The following NOL4L variants were observed in gnomAD, a reference collection of about 807,000 sequenced individuals.
NOL4L encodes nucleolar protein 4-like.
A neutral mutation model predicts 64.5 loss-of-function variants in NOL4L; 7 were observed. The observed-to-expected ratio is 0.11, with a 90% CI of 0.06 to 0.20. NOL4L has a LOEUF of 0.20. NOL4L is among the 10% of genes least tolerant of loss of function. The probability of loss-of-function intolerance (pLI) is 1.00; values close to 1 mark genes in which losing one functional copy is unlikely to be tolerated. For synonymous variants in NOL4L, 413 were observed against 401.0 expected, an observed-to-expected ratio of 1.03 and a Z score of -0.36; for missense variants, 680 against 967.1, an observed-to-expected ratio of 0.70 and a Z score of 3.94.
intron 5 of NOL4L, among the ~76,000 whole-genome samples, chr20:32,466,840 A>G (rs1453780169): frequency 2.6e-5 from 4 of 152,164 alleles, no homozygotes; most frequent in Non-Finnish European, 4.4e-5. Flanking sequence ...TGCAGGGGCC[A>G]CACCTCCTGC....
chr20:32,470,057 C>T lies in NOL4L; in HGVS notation c.841+4544G>A, dbSNP rs530846738. ...GACCTGCCCCAGCCAGGGCTCCACA[C>T]GACTCTTGCTCAGCAATCCCCCGAC... On this transcript the variant is annotated intron_variant, in intron 5 of 10. Transcript: ENST00000621426. 9.8e-5 allele frequency among the ~76,000 whole-genome samples: 15 copies of T among 152,356 alleles called. No individual in the cohort carries two copies. The East Asian group carries it at 2.1e-3, about 22-fold the overall frequency.
chr20:32,536,093 G>A, intron 1 of NOL4L: 1 of 985,596 alleles, frequency 1.0e-6, no homozygotes, highest in Non-Finnish European at 1.2e-6. Context: ...AATGGCTTTC[G>A]CCACCTCATA....
chr20:32,510,877 G>A (rs2046922366), intron 4 of NOL4L, among the ~76,000 whole-genome samples: 1 of 152,152 alleles, frequency 6.6e-6, no homozygotes, highest in Non-Finnish European at 1.5e-5. Flanking sequence ...AGCTGGGGAG[G>A]CTTGGACGGC....
chr20:32,474,518 G>A, intron 5 of NOL4L, 83 bp downstream of exon 5: 1 of 1,483,316 alleles, frequency 6.7e-7, no homozygotes, highest in African/African-American at 1.4e-5. Context: ...ACCCTGGAGT[G>A]TGTCCACACC....
chr20:32,477,310 G>A (rs1027644577), intron 4 of NOL4L, among the ~76,000 whole-genome samples: 5 of 152,154 alleles, frequency 3.3e-5, no homozygotes, highest in Admixed American at 6.5e-5. Context: ...TAAGGTGCTC[G>A]CCCAAGGTCA....
intron 1 of NOL4L, among the ~76,000 whole-genome samples, chr20:32,581,059 C>G (rs1234278157): frequency 1.3e-5 from 2 of 152,240 alleles, no homozygotes; most frequent in Non-Finnish European, 2.9e-5. Flanking sequence ...ATAATAAATC[C>G]TCACCAGGCT....
At chr20:32,557,800 C>T (rs1978759609) in intron 1 of NOL4L, among the ~76,000 whole-genome samples, 1 of 152,224 alleles carries the variant, frequency 6.6e-6, no homozygotes, top group South Asian at 2.1e-4. Context: ...CGCGGTGGCT[C>T]ATGCCTGTAA....
chr20:32,528,514 G>T (rs1194528912), intron 1 of NOL4L, among the ~76,000 whole-genome samples: 1 of 152,270 alleles, frequency 6.6e-6, no homozygotes, highest in Non-Finnish European at 1.5e-5. Flanking sequence ...AGGCCACGAG[G>T]AGGTGGCAGG....
At chr20:32,478,892 AT>A (rs1568634897) in intron 4 of NOL4L, among the ~76,000 whole-genome samples, 1 of 152,286 alleles carries the variant, frequency 6.6e-6, no homozygotes, top group Non-Finnish European at 1.5e-5. Context: ...GCGACAGCAA[AT>A]TTTTTTTAAG....
chr20:32,451,579 G>A (rs910888), intron 10 of NOL4L: 38,287 of 152,312 alleles, frequency 0.25, 5,911 homozygotes, highest in African/African-American at 0.43. Flanking sequence ...GTAGCCTGGG[G>A]AGTTACCGGA....
chr20:32,536,075 A>G (rs894618436), intron 1 of NOL4L: 7 of 985,674 alleles, frequency 7.1e-6, no homozygotes, highest in Non-Finnish European at 8.4e-6. Context: ...AGCAGACACC[A>G]TAGGCATAAT....
chr20:32,480,625 G>A (rs114861280), intron 4 of NOL4L, among the ~76,000 whole-genome samples: 1,732 of 152,250 alleles, frequency 0.011, 42 homozygotes, highest in African/African-American at 0.04. Flanking sequence ...CCATGTCAGC[G>A]AGCATTACAC....
At chr20:32,485,087 A>AAAAAAAAAAC (rs2016022458) in intron 4 of NOL4L, among the ~76,000 whole-genome samples, 1 of 137,702 alleles carries the variant, frequency 7.3e-6, no homozygotes, top group Non-Finnish European at 1.6e-5. Flanking sequence ...AAAAAAAAAA[A>AAAAAAAAAAC]CAACTAAAAA....
At chr20:32,524,736 G>A (rs532435885) in intron 2 of NOL4L, among the ~76,000 whole-genome samples, 1 of 152,318 alleles carries the variant, frequency 6.6e-6, no homozygotes, top group South Asian at 2.1e-4. Flanking sequence ...TGGATGGGTG[G>A]GGGCCTCGTG....
intron 6 of NOL4L, among the ~76,000 whole-genome samples, chr20:32,454,671 G>A (rs1296287817): frequency 6.6e-6 from 1 of 152,254 alleles, no homozygotes; most frequent in Non-Finnish European, 1.5e-5. Flanking sequence ...CGGAAAGTTT[G>A]TGCCTTCGAT....
At position 32,552,043 on chromosome 20, in the gene NOL4L, G is replaced by A. The variant is rs369590007; in HGVS notation, c.322-24130C>T. ...GGGCTCAAGTGATCCTCCTGCCTTCGCCTCCCAAAGTGCTAGATTACAGGT... is the reference window on the plus strand; with the variant it reads ...GGGCTCAAGTGATCCTCCTGCCTTCACCTCCCAAAGTGCTAGATTACAGGT... On this transcript the variant is annotated intron_variant, in intron 1 of 10. Coordinates refer to ENST00000621426, the MANE Select transcript of NOL4L (RefSeq NM_001256798.2). Among the ~76,000 whole-genome samples the A allele has an allele frequency of 1.1e-4, 16 of 152,162 alleles. No individual in the cohort carries two copies. The East Asian group carries it at 2.9e-3, about 28-fold the overall frequency.
intron 5 of NOL4L, among the ~76,000 whole-genome samples, chr20:32,456,900 A>C (rs1315555634): frequency 2.6e-5 from 4 of 152,214 alleles, no homozygotes; most frequent in Non-Finnish European, 4.4e-5. Context: ...TGCCGGAAGC[A>C]GGAAGGATGG....
chr20:32,488,782 C>T (rs6058717), intron 4 of NOL4L, among the ~76,000 whole-genome samples: 1,204 of 45,552 alleles, frequency 0.026, 46 homozygotes, highest in African/African-American at 0.11. Context: ...TTCCTTCCTT[C>T]CTTCCTTCCT....
chr20:32,525,154 G>T (rs1195010732), intron 2 of NOL4L, among the ~76,000 whole-genome samples: 3 of 152,224 alleles, frequency 2.0e-5, no homozygotes, highest in Non-Finnish European at 2.9e-5. Flanking sequence ...TTGGCCCAGG[G>T]ATGCAAGTGC....
Sources: allele counts gnomAD v4.1 joint callset (sites outside exome capture counted in the v4.1 genomes callset), GRCh38; gene constraint gnomAD v4.1.1; transcripts MANE v1.5; gene names NCBI Gene and HGNC (gene_info 2026-07-23, HGNC 2026-07-21).